HS3ST4: variants seen among roughly 807,000 people sequenced by gnomAD.
HS3ST4 encodes heparan sulfate-glucosamine 3-sulfotransferase 4.
HS3ST4 carries 17 observed loss-of-function variants against 29.2 expected under a neutral mutation model. The observed-to-expected ratio is 0.58, with a 90% CI of 0.40 to 0.87. The LOEUF (loss-of-function observed/expected upper bound fraction) is 0.87. Among genes scored for constraint, HS3ST4 ranks in the 40% least tolerant of loss-of-function variants. The pLI is 0.00. For missense variants in HS3ST4, 627 were observed against 634.5 expected (o/e 0.99, Z 0.13); for synonymous variants, 314 against 285.7 (o/e 1.10, Z -1.00).
At chr16:26,109,229 G>T (rs772023482) in intron 1 of HS3ST4, among the ~76,000 whole-genome samples, 9 of 152,158 alleles carry the variant, frequency 5.9e-5, no homozygotes, top group Non-Finnish European at 1.3e-4. Flanking sequence ...GGCAAAGGGA[G>T]GCAGGTTGTT....
intron 1 of HS3ST4, among the ~76,000 whole-genome samples, chr16:25,796,398 T>A (rs980769097): frequency 1.4e-4 from 22 of 152,212 alleles, no homozygotes; most frequent in African/African-American, 4.1e-4. Flanking sequence ...CTTTTATTAT[T>A]GCTTGTAGTG....
intron 1 of HS3ST4, among the ~76,000 whole-genome samples, chr16:26,079,060 T>G (rs1320537014): frequency 1.3e-5 from 2 of 152,208 alleles, no homozygotes; most frequent in African/African-American, 4.8e-5. Flanking sequence ...CAGGAACTTC[T>G]CAGCCCAACA....
At chr16:25,882,914 C>T (rs995971659) in intron 1 of HS3ST4, among the ~76,000 whole-genome samples, 14 of 152,318 alleles carry the variant, frequency 9.2e-5, no homozygotes, top group African/African-American at 3.4e-4. Context: ...TCTCATCTCA[C>T]CAGCTGTCAT....
At chr16:25,757,800 T>C (rs1260460553) in intron 1 of HS3ST4, among the ~76,000 whole-genome samples, 1 of 151,940 alleles carries the variant, frequency 6.6e-6, no homozygotes, top group South Asian at 2.1e-4. Flanking sequence ...TTTTAGAGAA[T>C]CAAAACTTCT....
At chr16:25,938,731 G>A (rs1205769952) in intron 1 of HS3ST4, among the ~76,000 whole-genome samples, 2 of 152,120 alleles carry the variant, frequency 1.3e-5, no homozygotes, top group Non-Finnish European at 2.9e-5. Context: ...CATGTCCCCT[G>A]TCTACTTCCC....
At chr16:25,916,901 G>A (rs1237761114) in intron 1 of HS3ST4, among the ~76,000 whole-genome samples, 4 of 151,852 alleles carry the variant, frequency 2.6e-5, no homozygotes, top group African/African-American at 7.2e-5. Flanking sequence ...GGATGGTCTC[G>A]ATCTCCTGAC....
At chr16:25,932,197 C>T (rs1348066631) in intron 1 of HS3ST4, among the ~76,000 whole-genome samples, 1 of 152,068 alleles carries the variant, frequency 6.6e-6, no homozygotes, top group Non-Finnish European at 1.5e-5. Flanking sequence ...GCCTGTAGTC[C>T]CAGCTGCTTG....
chr16:26,036,286 A>G (rs1304255450), intron 1 of HS3ST4, among the ~76,000 whole-genome samples: 1 of 152,230 alleles, frequency 6.6e-6, no homozygotes, highest in Non-Finnish European at 1.5e-5. Context: ...GATTGGGGGA[A>G]GCTGGGGCTG....
chr16:26,056,864 A>G (rs1476790250), intron 1 of HS3ST4, among the ~76,000 whole-genome samples: 2 of 152,248 alleles, frequency 1.3e-5, no homozygotes, highest in Non-Finnish European at 2.9e-5. Context: ...CAACATCTGT[A>G]TCAATATTAG....
At chr16:25,765,386 C>T (rs1162228078) in intron 1 of HS3ST4, among the ~76,000 whole-genome samples, 1 of 152,186 alleles carries the variant, frequency 6.6e-6, no homozygotes, top group East Asian at 1.9e-4. Context: ...CCGCTTGCCG[C>T]TTCTGCTGAA....
At chr16:25,745,733 G>T (rs763994309) in intron 1 of HS3ST4, among the ~76,000 whole-genome samples, 1 of 152,052 alleles carries the variant, frequency 6.6e-6, no homozygotes, top group Non-Finnish European at 1.5e-5. Flanking sequence ...TGTTTATCTT[G>T]TCTAGAGTTT....
intron 1 of HS3ST4, among the ~76,000 whole-genome samples, chr16:26,124,024 G>A (rs111327152): frequency 9.9e-5 from 15 of 152,034 alleles, no homozygotes; most frequent in African/African-American, 3.6e-4. Flanking sequence ...GGGTTCAAGC[G>A]ATTCTCCTGC....
intron 1 of HS3ST4, among the ~76,000 whole-genome samples, chr16:25,960,789 T>G (rs1239192276): frequency 6.6e-6 from 1 of 151,986 alleles, no homozygotes; most frequent in Non-Finnish European, 1.5e-5. Flanking sequence ...AAAATCAGAG[T>G]GATATTTTGT....
At chr16:25,812,564 T>C (rs914453612) in intron 1 of HS3ST4, among the ~76,000 whole-genome samples, 1 of 152,212 alleles carries the variant, frequency 6.6e-6, no homozygotes, top group African/African-American at 2.4e-5. Context: ...CCTATAGAGT[T>C]GCTTTAAAAA....
At chr16:26,003,957 A>G (rs1216679701) in intron 1 of HS3ST4, among the ~76,000 whole-genome samples, 1 of 152,048 alleles carries the variant, frequency 6.6e-6, no homozygotes, top group Non-Finnish European at 1.5e-5. Context: ...GGTGTCCATC[A>G]CTGTGAGCTC....
intron 1 of HS3ST4, among the ~76,000 whole-genome samples, chr16:25,741,060 G>A (rs1966648813): frequency 6.6e-6 from 1 of 151,866 alleles, no homozygotes; most frequent in Non-Finnish European, 1.5e-5. Flanking sequence ...GTGTCTGTAT[G>A]TACTTTACTT....
At chr16:25,842,182 GA>G (rs1260464544) in intron 1 of HS3ST4, among the ~76,000 whole-genome samples, 1 of 152,230 alleles carries the variant, frequency 6.6e-6, no homozygotes, top group Non-Finnish European at 1.5e-5. Context: ...TTTTGTTGAA[GA>G]AAAGGTCACC....
At chr16:25,967,723 G>A (rs143345642) in intron 1 of HS3ST4, among the ~76,000 whole-genome samples, 2,114 of 152,292 alleles carry the variant, frequency 0.014, 20 homozygotes, top group Non-Finnish European at 0.02. Context: ...AGTGAGAAGA[G>A]AAGGAAGAGG....
At chr16:25,935,534 C>T (rs1419402577) in intron 1 of HS3ST4, among the ~76,000 whole-genome samples, 1 of 152,118 alleles carries the variant, frequency 6.6e-6, no homozygotes, top group African/African-American at 2.4e-5. Context: ...ATGGTTTTTC[C>T]TTTTCCAGAA....
Sources: gnomAD v4.1 joint callset for allele counts (sites outside exome capture counted in the v4.1 genomes callset) on GRCh38, gnomAD v4.1.1 for gene constraint, MANE v1.5 for transcripts, NCBI Gene and HGNC (gene_info 2026-07-23, HGNC 2026-07-21) for gene names.